MAGI2: variants seen among roughly 807,000 people sequenced by gnomAD.
MAGI2 encodes membrane associated guanylate kinase, WW and PDZ domain containing 2, also known as membrane-associated guanylate kinase, WW and PDZ domain-containing protein 2.
Under a neutral mutation model 133.3 loss-of-function variants are expected in MAGI2, and 35 were observed. The ratio of observed to expected loss-of-function variants is 0.26; its 90% CI spans 0.20 to 0.35. The LOEUF (loss-of-function observed/expected upper bound fraction) is 0.35. Among genes scored for constraint, MAGI2 ranks in the 10% least tolerant of loss-of-function variants. The probability of loss-of-function intolerance (pLI) is 1.00; values close to 1 mark genes in which losing one functional copy is unlikely to be tolerated. For synonymous variants in MAGI2, 729 were observed against 710.6 expected, an observed-to-expected ratio of 1.03 and a Z score of -0.41; for missense variants, 1,636 against 1,863.4, an observed-to-expected ratio of 0.88 and a Z score of 2.25.
At chr7:78,205,358 C>T (rs1306516516) in intron 10 of MAGI2, among the ~76,000 whole-genome samples, 3 of 150,058 alleles carry the variant, frequency 2.0e-5, no homozygotes, top group African/African-American at 7.5e-5. Flanking sequence ...TCTCAAACTC[C>T]TGGCTTAAAG....
intron 21 of MAGI2, among the ~76,000 whole-genome samples, chr7:78,046,389 G>T (rs556929941): frequency 6.8e-6 from 1 of 147,602 alleles, no homozygotes; most frequent in Non-Finnish European, 1.5e-5. Context: ...GTAACAGAGC[G>T]AGACTCTGTC....
chr7:78,535,872 AC>A (rs148139487), intron 3 of MAGI2, among the ~76,000 whole-genome samples: 13,016 of 117,824 alleles, frequency 0.11, 616 homozygotes, highest in East Asian at 0.13. Context: ...TCTTGTGTAC[AC>A]CCCCCCCGCC....
intron 5 of MAGI2, among the ~76,000 whole-genome samples, chr7:78,495,871 G>A (rs962297995): frequency 3.3e-5 from 5 of 152,028 alleles, no homozygotes; most frequent in East Asian, 3.9e-4. Context: ...AGAATCTTGT[G>A]CAGGCACAAG....
At chr7:78,317,934 A>G (rs1787595515) in intron 9 of MAGI2, among the ~76,000 whole-genome samples, 2 of 152,286 alleles carry the variant, frequency 1.3e-5, no homozygotes, top group African/African-American at 4.8e-5. Context: ...CATCAACAAA[A>G]AGGACGTCCA....
chr7:78,773,612 C>T (rs1825758393), intron 2 of MAGI2, among the ~76,000 whole-genome samples: 1 of 152,108 alleles, frequency 6.6e-6, no homozygotes. Flanking sequence ...GTACAAAGTG[C>T]TATGGAGTGT....
rs142674483 is a variant in MAGI2 at position 78,435,706 on chromosome 7, T to G, written c.1045+54055A>C. Among the ~76,000 whole-genome samples the G allele has an allele frequency of 9.3e-3, 1,408 of 152,102 alleles. 11 individuals carry two copies. The highest frequency in any genetic ancestry group is 0.028 in the Middle Eastern group (8 of 290). On this transcript the variant is annotated intron_variant, in intron 6 of 21. Coordinates refer to ENST00000354212, the MANE Select transcript of MAGI2 (RefSeq NM_012301.4). Reference sequence around the variant, plus strand: ...GAAAGGCTCCTGTTTCAGCCATAAATCTCCCAGCACTCACATTCATCCCCG... The same window carrying G: ...GAAAGGCTCCTGTTTCAGCCATAAAGCTCCCAGCACTCACATTCATCCCCG...
intron 2 of MAGI2, among the ~76,000 whole-genome samples, chr7:78,793,836 G>A (rs766889368): frequency 3.3e-5 from 5 of 152,180 alleles, no homozygotes; most frequent in Admixed American, 1.3e-4. Flanking sequence ...GTTGGTGATC[G>A]TATATCTCAT....
chr7:78,074,323 T>C (rs1815045725), intron 21 of MAGI2, among the ~76,000 whole-genome samples: 1 of 152,198 alleles, frequency 6.6e-6, no homozygotes. Context: ...TATCTCTCGG[T>C]CACAGATCAC....
intron 2 of MAGI2, among the ~76,000 whole-genome samples, chr7:78,971,213 T>C (rs1248283282): frequency 2.6e-5 from 4 of 152,050 alleles, no homozygotes; most frequent in Non-Finnish European, 5.9e-5. Flanking sequence ...AAGGTCAAAA[T>C]GCCTCAGCAT....
At chr7:79,262,105 C>A (rs547464023) in intron 1 of MAGI2, among the ~76,000 whole-genome samples, 1 of 152,164 alleles carries the variant, frequency 6.6e-6, no homozygotes. Context: ...CCTTAAAAAA[C>A]CCCTGCTTTA....
At chr7:78,303,366 C>G (rs1360392409) in intron 9 of MAGI2, among the ~76,000 whole-genome samples, 1 of 70,040 alleles carries the variant, frequency 1.4e-5, no homozygotes, top group Non-Finnish European at 2.6e-5. Context: ...GCAACAAGAG[C>G]AAAACTGTCT....
chr7:78,536,545 A>G (rs1213285315), intron 3 of MAGI2, among the ~76,000 whole-genome samples: 2 of 152,156 alleles, frequency 1.3e-5, no homozygotes, highest in Non-Finnish European at 2.9e-5. Flanking sequence ...GATGGTACCA[A>G]TTAGGTTCCA....
At chr7:78,439,261 T>C (rs1038278418) in intron 6 of MAGI2, among the ~76,000 whole-genome samples, 1 of 152,212 alleles carries the variant, frequency 6.6e-6, no homozygotes, top group Non-Finnish European at 1.5e-5. Flanking sequence ...CAATCATTTA[T>C]TGAGCACTCA....
rs1843318832 is a variant in MAGI2 at position 79,375,419 on chromosome 7, T to G, written c.301+77601A>C. Among the ~76,000 whole-genome samples the G allele has an allele frequency of 3.3e-5, 5 of 152,000 alleles. No individual in the cohort carries two copies. In the South Asian group the frequency reaches 1.0e-3, roughly 31 times the overall value. On this transcript the variant is annotated intron_variant, in intron 1 of 21. Coordinates refer to ENST00000354212, the MANE Select transcript of MAGI2 (RefSeq NM_012301.4). ...GCTCTCTTCGAAAAAACACTCTTCC[T>G]ACTGTGCATATAGTTAGAAAACCTA...
At chr7:79,076,859 T>G (rs764968458) in intron 1 of MAGI2, among the ~76,000 whole-genome samples, 10 of 152,240 alleles carry the variant, frequency 6.6e-5, no homozygotes, top group Non-Finnish European at 8.8e-5. Flanking sequence ...AGGCATCTAC[T>G]TCTTCCATTC....
chr7:78,427,818 TTTTTACACAAC>T (rs1799435313), intron 6 of MAGI2, among the ~76,000 whole-genome samples: 1 of 152,200 alleles, frequency 6.6e-6, no homozygotes, highest in South Asian at 2.1e-4. Context: ...ATCTACAATG[TTTTTACACAAC>T]TTTTGATTAA....
intron 6 of MAGI2, among the ~76,000 whole-genome samples, chr7:78,374,394 T>G (rs1401576548): frequency 6.6e-6 from 1 of 152,166 alleles, no homozygotes; most frequent in East Asian, 1.9e-4. Flanking sequence ...CTTTTGCCCA[T>G]TTTTAAATAA....
intron 1 of MAGI2, among the ~76,000 whole-genome samples, chr7:79,212,861 A>G (rs753024544): frequency 1.1e-4 from 17 of 152,050 alleles, no homozygotes; most frequent in Non-Finnish European, 1.9e-4. Context: ...AATTGCTGAA[A>G]TGGTAGGACA....
rs1423722466 is a variant in MAGI2 at position 78,019,708 on chromosome 7, C to T, written c.3975G>A (p.Arg1325=). Residue 1325 remains arginine (R), a synonymous_variant, in exon 22 of 22, where the codon CGG becomes CGA. Transcript: ENST00000354212. ...CGCCGGGCGCCTCCTCGAGCCTCGGCCGCGCGGCCCTCTGCGGACTCGCCG... is the reference window on the plus strand; with the variant it reads ...CGCCGGGCGCCTCCTCGAGCCTCGGTCGCGCGGCCCTCTGCGGACTCGCCG... ...ERSASPQRAA[R]PRLEEAPGGQ... 6.3e-7 allele frequency: 1 copy of T among 1,580,136 alleles called. No individual in the cohort carries two copies. The highest frequency in any genetic ancestry group is 8.6e-7 in the Non-Finnish European group (1 of 1,169,238).
Sources: gnomAD v4.1 joint callset for allele counts (sites outside exome capture counted in the v4.1 genomes callset) on GRCh38, gnomAD v4.1.1 for gene constraint, MANE v1.5 for transcripts, NCBI Gene and HGNC (gene_info 2026-07-23, HGNC 2026-07-21) for gene names.